Variants in CDKAL1 observed in about 807,000 individuals in gnomAD.
CDKAL1 encodes threonylcarbamoyladenosine tRNA methylthiotransferase.
CDKAL1 carries 32 observed loss-of-function variants against 68.2 expected under a neutral mutation model. That is an observed-to-expected ratio of 0.47 (90% confidence interval 0.35 to 0.63). CDKAL1 has a LOEUF of 0.63. CDKAL1 is among the 30% of genes least tolerant of loss of function. The pLI is 0.00. For synonymous variants in CDKAL1, 234 were observed against 244.3 expected (o/e 0.96, Z 0.39); for missense variants, 606 against 696.7 (o/e 0.87, Z 1.47).
intron 6 of CDKAL1, among the ~76,000 whole-genome samples, chr6:20,742,666 T>C (rs912954499): frequency 1.3e-5 from 2 of 152,058 alleles, no homozygotes; most frequent in Non-Finnish European, 2.9e-5. Flanking sequence ...ACATTAATGC[T>C]CTCGCTGGTC....
At chr6:20,899,773 G>A (rs1172298776) in intron 9 of CDKAL1, among the ~76,000 whole-genome samples, 2 of 152,180 alleles carry the variant, frequency 1.3e-5, no homozygotes, top group Admixed American at 1.3e-4. Flanking sequence ...AACCCAGGAG[G>A]CAGAGGTTGC....
At chr6:20,548,297 A>T (rs1763682333) in intron 3 of CDKAL1, among the ~76,000 whole-genome samples, 1 of 151,966 alleles carries the variant, frequency 6.6e-6, no homozygotes, top group African/African-American at 2.4e-5. Context: ...ACTTTGGGAG[A>T]CAAGGTGGGA....
At chr6:21,119,289 G>GT (rs1304970617) in intron 13 of CDKAL1, among the ~76,000 whole-genome samples, 5 of 152,200 alleles carry the variant, frequency 3.3e-5, no homozygotes, top group Admixed American at 3.3e-4. Flanking sequence ...CTAGCACACA[G>GT]TAAGTGCTCA....
chr6:20,649,324 G>A lies in CDKAL1; in HGVS notation c.318G>A (p.Leu106=), dbSNP rs754890996. The change falls in exon 5 of 16, where the codon CTG becomes CTA. Residue 106 remains leucine (L), a synonymous_variant. Coordinates refer to ENST00000274695, the MANE Select transcript of CDKAL1 (RefSeq NM_017774.3). The part of the protein sequence containing the change: ...ENASDADLWL[L]NSCTVKNPAE... Reference sequence around the variant, plus strand: ...CATCCGATGCAGATTTATGGCTCCTGAACAGTTGCACTGTAAAAAACCCAG... The same window carrying A: ...CATCCGATGCAGATTTATGGCTCCTAAACAGTTGCACTGTAAAAAACCCAG... 1.2e-6 allele frequency: 2 copies of A among 1,608,146 alleles called. No homozygotes were observed. Among genetic ancestry groups the A allele is most frequent in the East Asian group, 4.5e-5 (2 of 44,652 alleles).
intron 5 of CDKAL1, among the ~76,000 whole-genome samples, chr6:20,736,138 T>C (rs1773182274): frequency 8.5e-6 from 1 of 117,006 alleles, no homozygotes; most frequent in Non-Finnish European, 2.0e-5. Flanking sequence ...TTTTTTTTTT[T>C]CTCTCTGTTT....
intron 10 of CDKAL1, among the ~76,000 whole-genome samples, chr6:20,992,601 A>C (rs1766888629): frequency 6.6e-6 from 1 of 152,170 alleles, no homozygotes; most frequent in Non-Finnish European, 1.5e-5. Context: ...TATTTAATTG[A>C]AATAAGGCTA....
intron 5 of CDKAL1, among the ~76,000 whole-genome samples, chr6:20,705,923 G>A (rs989098426): frequency 6.6e-6 from 1 of 152,128 alleles, no homozygotes; most frequent in African/African-American, 2.4e-5. Flanking sequence ...TTCATAGCGG[G>A]GTTGCTTTAT....
At chr6:21,043,960 A>C (rs773175304) in intron 11 of CDKAL1, among the ~76,000 whole-genome samples, 1 of 152,186 alleles carries the variant, frequency 6.6e-6, no homozygotes, top group Non-Finnish European at 1.5e-5. Flanking sequence ...CTGTTTGCTA[A>C]AGGAAATGTT....
chr6:20,641,631 C>T (rs1388489172), intron 4 of CDKAL1, among the ~76,000 whole-genome samples: 1 of 152,094 alleles, frequency 6.6e-6, no homozygotes, highest in Non-Finnish European at 1.5e-5. Context: ...TGCTTTGTTT[C>T]TTCTGATAAT....
intron 9 of CDKAL1, among the ~76,000 whole-genome samples, chr6:20,900,984 C>T (rs1418193243): frequency 6.6e-6 from 1 of 152,070 alleles, no homozygotes; most frequent in African/African-American, 2.4e-5. Context: ...TGAGACGTGT[C>T]GTCTTTCATA....
chr6:20,668,807 A>C (rs1769672650), intron 5 of CDKAL1, among the ~76,000 whole-genome samples: 1 of 152,216 alleles, frequency 6.6e-6, no homozygotes, highest in Admixed American at 6.5e-5. Context: ...AATCTGGAAC[A>C]GATCCTCATT....
At chr6:21,086,627 T>C (rs1772708902) in intron 12 of CDKAL1, among the ~76,000 whole-genome samples, 1 of 152,140 alleles carries the variant, frequency 6.6e-6, no homozygotes, top group African/African-American at 2.4e-5. Flanking sequence ...TCTCTCTGCT[T>C]GCTCCTAGTA....
intron 9 of CDKAL1, among the ~76,000 whole-genome samples, chr6:20,928,421 T>C (rs1763277340): frequency 6.6e-6 from 1 of 152,244 alleles, no homozygotes; most frequent in African/African-American, 2.4e-5. Context: ...AGATGTGCTC[T>C]CAAGGATCTG....
chr6:20,544,587 C>G (rs1763519126), intron 2 of CDKAL1, among the ~76,000 whole-genome samples: 2 of 100,224 alleles, frequency 2.0e-5, no homozygotes, highest in African/African-American at 9.5e-5. Flanking sequence ...CAGAGCGAAA[C>G]TCCGTCTCAA....
chr6:20,582,072 TCTAA>T (rs756128641), intron 4 of CDKAL1, among the ~76,000 whole-genome samples: 13 of 152,210 alleles, frequency 8.5e-5, no homozygotes, highest in Admixed American at 2.0e-4. Flanking sequence ...CATTTATGTA[TCTAA>T]CCCACAAAAA....
intron 9 of CDKAL1, among the ~76,000 whole-genome samples, chr6:20,913,116 T>TACACACACACACACACACACAC (rs70990080): frequency 1.5e-5 from 2 of 136,462 alleles, no homozygotes; most frequent in African/African-American, 5.7e-5. Context: ...CACAGTTGTT[T>TACACACACACACACACACACAC]ACACACACAC....
At chr6:21,069,067 G>A (rs1296643560) in intron 12 of CDKAL1, among the ~76,000 whole-genome samples, 2 of 152,224 alleles carry the variant, frequency 1.3e-5, no homozygotes, top group Non-Finnish European at 2.9e-5. Context: ...TAGTGTTTCT[G>A]TAGGGTATTT....
intron 4 of CDKAL1, among the ~76,000 whole-genome samples, chr6:20,576,952 G>T (rs543025155): frequency 9.8e-4 from 149 of 152,276 alleles, no homozygotes; most frequent in African/African-American, 3.3e-3. Context: ...CTAAAATGAG[G>T]TTGAAATATG....
chr6:21,093,174 A>G (rs960578990), intron 12 of CDKAL1, among the ~76,000 whole-genome samples: 8 of 152,196 alleles, frequency 5.3e-5, no homozygotes, highest in Admixed American at 3.3e-4. Flanking sequence ...AAGACAAGAG[A>G]GAAAAGCCAG....
Sources: allele counts gnomAD v4.1 joint callset (sites outside exome capture counted in the v4.1 genomes callset), GRCh38; gene constraint gnomAD v4.1.1; transcripts MANE v1.5; gene names NCBI Gene and HGNC (gene_info 2026-07-23, HGNC 2026-07-21).